Variants in ADGRB3 observed in about 807,000 individuals in gnomAD.
ADGRB3 encodes the protein brain-specific angiogenesis inhibitor 3.
A neutral mutation model predicts 193.4 loss-of-function variants in ADGRB3; 37 were observed. The ratio of observed to expected loss-of-function variants is 0.19; its 90% CI spans 0.15 to 0.25. The LOEUF (loss-of-function observed/expected upper bound fraction) is 0.25, where lower values mean the gene tolerates loss of function less well. Ranked by LOEUF, ADGRB3 falls within the 10% of genes least tolerant of loss-of-function variation. The pLI, the probability that ADGRB3 is intolerant of heterozygous loss-of-function variation, is 1.00. For synonymous variants in ADGRB3, 690 were observed against 644.2 expected (o/e 1.07, Z -1.08); for missense variants, 1,637 against 1,852.9 (o/e 0.88, Z 2.14).
intron 3 of ADGRB3, 124 bp from the exon 4 acceptor site, chr6:68,930,435 T>G (rs1184068611): frequency 5.3e-6 from 3 of 569,024 alleles, no homozygotes; most frequent in Non-Finnish European, 8.6e-6. Flanking sequence ...GCCTAGCAAG[T>G]TTAGAATTGT....
At position 68,839,080 on chromosome 6, in the gene ADGRB3, T is replaced by TCACA. The variant is rs10591017; in HGVS notation, c.758-91452_758-91449dup. On this transcript the variant is annotated intron_variant, in intron 3 of 31. Coordinates refer to ENST00000370598, the MANE Select transcript of ADGRB3 (RefSeq NM_001704.3). Reference sequence around the variant, plus strand: ...TCCTTCCTCTCTCTCTGTCTCTCTGTCACACACACACACACACACACACAC... The same window carrying TCACA: ...TCCTTCCTCTCTCTCTGTCTCTCTGTCACACACACACACACACACACACACACAC... 1.2e-3 allele frequency among the ~76,000 whole-genome samples: 159 copies of TCACA among 138,188 alleles called. 1 individual carries two copies. Among genetic ancestry groups the TCACA allele is most frequent in the Middle Eastern group, 3.7e-3 (1 of 272 alleles). 90.7% of individuals were successfully genotyped at this position (138,188 alleles called of 152,430 possible).
At chr6:69,334,763 A>G (rs1292213573) in intron 24 of ADGRB3, among the ~76,000 whole-genome samples, 1 of 152,200 alleles carries the variant, frequency 6.6e-6, no homozygotes, top group African/African-American at 2.4e-5. Flanking sequence ...TTTAAACAAC[A>G]TCGACAATAA....
chr6:68,751,804 T>C (rs1766204596), intron 3 of ADGRB3, among the ~76,000 whole-genome samples: 1 of 152,184 alleles, frequency 6.6e-6, no homozygotes, highest in Non-Finnish European at 1.5e-5. Flanking sequence ...GGGGGCATAC[T>C]GTAATTATTT....
Position 69,048,292 on chromosome 6 carries a change from G to A in ADGRB3, c.2215G>A (p.Val739Ile), listed in dbSNP as rs1443931619. Reference protein sequence around the residue: ...VDWARNSEDRVVIPKSIFTPV... With the variant: ...VDWARNSEDRIVIPKSIFTPV... The stretch of plus-strand genomic sequence containing the variant: ...CTGGGCAAGAAACTCAGAAGATAGG[G>A]TAGTAATTCCAAAAAGCATTTTCAC... The change falls in exon 14 of 32, where the codon GTA (valine) becomes ATA (isoleucine). Residue 739 changes from valine to isoleucine, a missense_variant. By Grantham distance (29) the Val-to-Ile change is conservative (BLOSUM62 3). Coordinates refer to ENST00000370598, the MANE Select transcript of ADGRB3 (RefSeq NM_001704.3). 2 of 1,613,582 alleles carry A rather than the reference G, an allele frequency of 1.2e-6. No homozygotes were observed. Among genetic ancestry groups the A allele is most frequent in the Non-Finnish European group, 8.5e-7 (1 of 1,179,720 alleles).
chr6:68,910,397 G>C (rs1158660061), intron 3 of ADGRB3, among the ~76,000 whole-genome samples: 3 of 152,092 alleles, frequency 2.0e-5, no homozygotes, highest in Admixed American at 2.0e-4. Context: ...CTGTGCAGAA[G>C]CTCTTTAGTT....
At chr6:69,063,263 A>G (rs141086090) in intron 16 of ADGRB3, among the ~76,000 whole-genome samples, 63 of 152,176 alleles carry the variant, frequency 4.1e-4, no homozygotes, top group African/African-American at 1.4e-3. Context: ...ATAAAGAAAC[A>G]AAGAATGGTT....
At chr6:69,294,994 T>C (rs1391829627) in intron 20 of ADGRB3, among the ~76,000 whole-genome samples, 1 of 152,192 alleles carries the variant, frequency 6.6e-6, no homozygotes, top group East Asian at 1.9e-4. Context: ...TGACGTTCTG[T>C]CATTTCTGTT....
At chr6:68,796,257 C>T (rs1408908225) in intron 3 of ADGRB3, among the ~76,000 whole-genome samples, 3 of 152,030 alleles carry the variant, frequency 2.0e-5, no homozygotes, top group African/African-American at 4.8e-5. Flanking sequence ...TGTTTTACCA[C>T]TTTATCAACA....
chr6:69,106,180 A>G lies in ADGRB3; in HGVS notation c.2480+30142A>G, dbSNP rs576188666. Among the ~76,000 whole-genome samples, 485 of 98,324 alleles carry G rather than the reference A, an allele frequency of 4.9e-3. 2 individuals carry two copies. The highest frequency in any genetic ancestry group is 6.8e-3 in the Non-Finnish European group (256 of 37,596). The allele number at this position is 98,324 out of a possible 152,430, so 64.5% of individuals were successfully genotyped here. A position where few individuals can be genotyped will look rare whatever the true frequency, so the allele number is the denominator to read the frequency against. ...AGACTGCGTTAAAAAAAAAAAAAAA[A>G]AAAGAAAAGAAAAGAAAAAAGAAAA... On this transcript the variant is annotated intron_variant, in intron 17 of 31. Transcript: ENST00000370598.
At chr6:68,688,970 T>C (rs1004734197) in intron 3 of ADGRB3, among the ~76,000 whole-genome samples, 1 of 152,118 alleles carries the variant, frequency 6.6e-6, no homozygotes, top group Non-Finnish European at 1.5e-5. Context: ...AAAAATGCCT[T>C]GTATTGGAGT....
At chr6:68,653,014 G>A (rs1331630857) in intron 3 of ADGRB3, among the ~76,000 whole-genome samples, 1 of 152,128 alleles carries the variant, frequency 6.6e-6, no homozygotes, top group East Asian at 1.9e-4. Context: ...ACTAATGGTT[G>A]TTTGGGGTTA....
chr6:68,974,718 T>C (rs1197021233), intron 8 of ADGRB3, 45 bp from the exon 9 acceptor site: 1 of 1,562,302 alleles, frequency 6.4e-7, no homozygotes. Flanking sequence ...TGCCAAAATT[T>C]TTTAAACACT....
At chr6:69,170,983 A>C (rs1361408273) in intron 17 of ADGRB3, among the ~76,000 whole-genome samples, 1 of 152,218 alleles carries the variant, frequency 6.6e-6, no homozygotes, top group Admixed American at 6.5e-5. Flanking sequence ...AGCCATACGA[A>C]AAGTAAAAAG....
chr6:68,809,536 A>G (rs1767471065), intron 3 of ADGRB3, among the ~76,000 whole-genome samples: 1 of 152,208 alleles, frequency 6.6e-6, no homozygotes, highest in African/African-American at 2.4e-5. Flanking sequence ...ATCTTGGGAC[A>G]TGCTTTCTTT....
Position 68,840,413 on chromosome 6 carries a change from C to T in ADGRB3, c.758-90146C>T, listed in dbSNP as rs540249228. On this transcript the variant is annotated intron_variant, in intron 3 of 31. Coordinates refer to ENST00000370598, the MANE Select transcript of ADGRB3 (RefSeq NM_001704.3). ...TTTTTTTTTTTTTTTTTTTTTGAGACAAGGTCTTTCTCTGTCACCTAGGCT... is the reference window on the plus strand; with the variant it reads ...TTTTTTTTTTTTTTTTTTTTTGAGATAAGGTCTTTCTCTGTCACCTAGGCT... 7.3e-4 allele frequency among the ~76,000 whole-genome samples: 44 copies of T among 60,210 alleles called. 3 individuals carry two copies. The highest frequency in any genetic ancestry group is 1.2e-3 in the Non-Finnish European group (38 of 32,076). The allele number at this position is 60,210 out of a possible 152,430, so 39.5% of individuals were successfully genotyped here. A position where few individuals can be genotyped will look rare whatever the true frequency, so the allele number is the denominator to read the frequency against.
intron 21 of ADGRB3, 87 bp downstream of exon 21, chr6:69,325,109 G>A: frequency 7.0e-7 from 1 of 1,422,500 alleles, no homozygotes; most frequent in Non-Finnish European, 9.5e-7. Context: ...TTAGACACAG[G>A]CTACTTTGTG....
chr6:69,181,654 C>T (rs62406815), intron 17 of ADGRB3, among the ~76,000 whole-genome samples: 21,538 of 152,008 alleles, frequency 0.14, 1,572 homozygotes, highest in Middle Eastern at 0.17. Flanking sequence ...TTCTTCTTTC[C>T]ACCTTTTGCC....
intron 3 of ADGRB3, among the ~76,000 whole-genome samples, chr6:68,752,404 G>A (rs554949450): frequency 6.6e-6 from 1 of 151,622 alleles, no homozygotes; most frequent in East Asian, 2.0e-4. Context: ...GGCCTCCTGA[G>A]TATCTGAGAT....
At chr6:68,774,502 G>A (rs1191683118) in intron 3 of ADGRB3, among the ~76,000 whole-genome samples, 1 of 151,638 alleles carries the variant, frequency 6.6e-6, no homozygotes, top group East Asian at 1.9e-4. Flanking sequence ...ATGAAACTAG[G>A]TTAAATTCCC....
Sources: gnomAD v4.1 joint callset for allele counts (sites outside exome capture counted in the v4.1 genomes callset) on GRCh38, gnomAD v4.1.1 for gene constraint, MANE v1.5 for transcripts, NCBI Gene and HGNC (gene_info 2026-07-23, HGNC 2026-07-21) for gene names.